Variants in CRIM1 observed in about 807,000 individuals in gnomAD.
CRIM1 encodes the protein cysteine rich transmembrane BMP regulator 1, also known as cysteine-rich motor neuron 1 protein.
Under a neutral mutation model 116.4 loss-of-function variants are expected in CRIM1, and 32 were observed. The observed-to-expected ratio is 0.27, with a 90% confidence interval of 0.21 to 0.37. The LOEUF is 0.37. Ranked by LOEUF, CRIM1 falls within the 10% of genes least tolerant of loss-of-function variation. The pLI, the probability that CRIM1 is intolerant of heterozygous loss-of-function variation, is 1.00. For synonymous variants in CRIM1, 590 were observed against 509.2 expected (o/e 1.16, Z -2.13); for missense variants, 1,331 against 1,354.8 (o/e 0.98, Z 0.28).
chr2:36,358,200 T>C (rs375897384), intron 1 of CRIM1, among the ~76,000 whole-genome samples: 2 of 152,174 alleles, frequency 1.3e-5, no homozygotes, highest in East Asian at 3.8e-4. Context: ...TATAACTTGT[T>C]TTTATGCCTT....
intron 5 of CRIM1, among the ~76,000 whole-genome samples, chr2:36,465,142 G>T (rs1039825166): frequency 6.6e-6 from 1 of 152,168 alleles, no homozygotes; most frequent in Admixed American, 6.5e-5. Flanking sequence ...AGAGGCGGTG[G>T]GGAAGACATC....
At chr2:36,502,249 GA>G (rs1681053089) in intron 8 of CRIM1, among the ~76,000 whole-genome samples, 1 of 152,166 alleles carries the variant, frequency 6.6e-6, no homozygotes, top group South Asian at 2.1e-4. Context: ...AACTGCCTTT[GA>G]AGGAAGAGTC....
intron 2 of CRIM1, among the ~76,000 whole-genome samples, chr2:36,424,728 C>A (rs1274831184): frequency 6.6e-6 from 1 of 152,202 alleles, no homozygotes; most frequent in Non-Finnish European, 1.5e-5. Flanking sequence ...AGTTGCCATG[C>A]ACCCTAGTCT....
chr2:36,483,491 A>T (rs1453612908), intron 7 of CRIM1, among the ~76,000 whole-genome samples: 1 of 152,192 alleles, frequency 6.6e-6, no homozygotes, highest in Admixed American at 6.5e-5. Context: ...CCAGTTTACC[A>T]TCAGAGAACA....
At chr2:36,427,629 C>T (rs3770899) in intron 2 of CRIM1, among the ~76,000 whole-genome samples, 22,015 of 152,208 alleles carry the variant, frequency 0.14, 1,875 homozygotes, top group East Asian at 0.46. Context: ...CTACTTTCCT[C>T]TGGCTGGACT....
chr2:36,534,215 G>A (rs1395506404), intron 13 of CRIM1, among the ~76,000 whole-genome samples: 14 of 127,270 alleles, frequency 1.1e-4, no homozygotes, highest in African/African-American at 4.0e-4. Context: ...GGATGGGAAA[G>A]ATAAGGAAGG....
chr2:36,534,938 G>A (rs555158861), intron 13 of CRIM1, among the ~76,000 whole-genome samples: 1 of 152,226 alleles, frequency 6.6e-6, no homozygotes, highest in East Asian at 1.9e-4. Context: ...CAGTGATACT[G>A]CTCTATCAAA....
intron 5 of CRIM1, among the ~76,000 whole-genome samples, chr2:36,467,622 G>C (rs573465378): frequency 4.6e-5 from 7 of 152,172 alleles, no homozygotes; most frequent in Non-Finnish European, 7.3e-5. Flanking sequence ...ATAAGATAGT[G>C]ATAAAATATT....
At chr2:36,466,895 G>A (rs1173853996) in intron 5 of CRIM1, among the ~76,000 whole-genome samples, 1 of 152,188 alleles carries the variant, frequency 6.6e-6, no homozygotes, top group Non-Finnish European at 1.5e-5. Context: ...TCCTATGGGT[G>A]AGGAACCGGA....
Position 36,448,472 on chromosome 2 carries a change from A to T in CRIM1, c.869+5737A>T, listed in dbSNP as rs184151194. 5.7e-3 allele frequency among the ~76,000 whole-genome samples: 860 copies of T among 152,072 alleles called. 2 individuals are homozygous for T. Among genetic ancestry groups the T allele is most frequent in the Non-Finnish European group, 0.01 (703 of 67,984 alleles). On this transcript the variant is annotated intron_variant, in intron 4 of 16. Coordinates refer to ENST00000280527, the MANE Select transcript of CRIM1 (RefSeq NM_016441.3). ...CCAGTGTTTGGACCTAATTTTACAG[A>T]CTCTTCACTTTGCCTCCGTAATTTT...
intron 1 of CRIM1, among the ~76,000 whole-genome samples, 181 bp from the exon 2 acceptor site, chr2:36,396,433 T>A (rs1191974574): frequency 1.3e-5 from 2 of 152,232 alleles, no homozygotes; most frequent in Non-Finnish European, 2.9e-5. Flanking sequence ...ATTTCACTTT[T>A]TTCAGTTATT....
Position 36,509,462 on chromosome 2 carries a change from AG to A in CRIM1, c.1502-520del, listed in dbSNP as rs540853795. ...GAATCACTTGAACCCAGGAGACAGA[AG>A]TTGCAGTGAGCCGAAATCACGCCAC... On this transcript the variant is annotated intron_variant, in intron 8 of 16. Transcript: ENST00000280527. 7.9e-4 allele frequency among the ~76,000 whole-genome samples: 121 copies of A among 152,306 alleles called. 3 individuals are homozygous for A. In the South Asian group the frequency reaches 0.025, roughly 31 times the overall value.
rs943539613 is a variant in CRIM1, at chr2:36,464,428, A to G, written c.870-106A>G. The G allele has an allele frequency of 4.3e-6, 5 of 1,169,340 alleles. No individual in the cohort carries two copies. The African/African-American group carries it at 6.0e-5, about 14-fold the overall frequency. 72.4% of individuals were successfully genotyped at this position (1,169,340 alleles called of 1,614,324 possible). On this transcript the variant is annotated intron_variant, in intron 4 of 16. Transcript: ENST00000280527. ...CACCAGATAAAGGAGGCAGTGTCGT[A>G]TAGACCAGGTACTTTGCCACAGCCA...
intron 12 of CRIM1, among the ~76,000 whole-genome samples, chr2:36,521,108 C>G (rs1177314384): frequency 1.3e-5 from 2 of 152,160 alleles, no homozygotes; most frequent in African/African-American, 4.8e-5. Context: ...TCTGATATCT[C>G]AATCATATTG....
intron 11 of CRIM1, among the ~76,000 whole-genome samples, chr2:36,514,047 G>A (rs1320744876): frequency 6.6e-6 from 1 of 152,180 alleles, no homozygotes; most frequent in South Asian, 2.1e-4. Context: ...GTAAAGGTTT[G>A]TGGGCTGATG....
rs1668758720 is a variant in CRIM1 at position 36,355,801 on chromosome 2, C to G, written c.-492C>G. 2 of 151,424 alleles carry G rather than the reference C, an allele frequency of 1.3e-5. No individual in the cohort carries two copies. Among genetic ancestry groups the G allele is most frequent in the African/African-American group, 4.8e-5 (2 of 41,260 alleles). 9.4% of individuals were successfully genotyped at this position (151,424 alleles called of 1,614,324 possible). A position where few individuals can be genotyped will look rare whatever the true frequency, so the allele number is the denominator to read the frequency against. ...GCAGGAGTGAGGCGAGCGGGGCGCG[C>G]GGAGCGGACGCCGCGGATCTTGTGC... is the stretch of plus-strand genomic sequence containing the variant. On this transcript the variant is annotated 5_prime_UTR_variant, in exon 1 of 17. Transcript: ENST00000280527.
chr2:36,405,192 T>C (rs770997970), intron 2 of CRIM1, among the ~76,000 whole-genome samples: 2 of 152,126 alleles, frequency 1.3e-5, no homozygotes, highest in Non-Finnish European at 2.9e-5. Context: ...TTTATGTGCG[T>C]GGGAGAAAAT....
intron 4 of CRIM1, among the ~76,000 whole-genome samples, chr2:36,445,398 A>G (rs1676160607): frequency 6.6e-6 from 1 of 151,864 alleles, no homozygotes; most frequent in African/African-American, 2.4e-5. Context: ...ATCCAGCAGG[A>G]CTCTAATTAA....
chr2:36,387,474 A>G (rs762879175), intron 1 of CRIM1, among the ~76,000 whole-genome samples: 3 of 152,226 alleles, frequency 2.0e-5, no homozygotes, highest in Non-Finnish European at 2.9e-5. Flanking sequence ...GTGTCTGAAT[A>G]GAAGGCTGAT....
Sources: allele counts gnomAD v4.1 joint callset (sites outside exome capture counted in the v4.1 genomes callset), GRCh38; gene constraint gnomAD v4.1.1; transcripts MANE v1.5; gene names NCBI Gene and HGNC (gene_info 2026-07-23, HGNC 2026-07-21).